The following LYRM4 variants were observed in gnomAD, a reference collection of about 807,000 sequenced individuals.
The protein encoded by LYRM4 is LYR motif-containing protein 4.
A neutral mutation model predicts 11.7 loss-of-function variants in LYRM4; 9 were observed. The observed-to-expected ratio is 0.77, with a 90% CI of 0.46 to 1.34. The LOEUF (loss-of-function observed/expected upper bound fraction) is 1.34, where lower values mean the gene tolerates loss of function less well. Ranked by LOEUF, LYRM4 falls within the 40% of genes most tolerant of loss-of-function variation. LYRM4 has a pLI of 0.00. For synonymous variants in LYRM4, 42 were observed against 40.4 expected (o/e 1.04, Z -0.15); for missense variants, 133 against 112.5 (o/e 1.18, Z -0.82).
chr6:5,050,454 A>G, the LYRM4 span, among the ~76,000 whole-genome samples: 4 of 152,202 alleles, frequency 2.6e-5, no homozygotes, highest in Non-Finnish European at 5.9e-5. Context: ...TTGCACTTTT[A>G]CAATCCTCAT....
chr6:5,045,735 C>T, the LYRM4 span, among the ~76,000 whole-genome samples: 1 of 152,134 alleles, frequency 6.6e-6, no homozygotes, highest in Non-Finnish European at 1.5e-5. Context: ...GGTAGAAGCT[C>T]ACGGAACTCA....
At chr6:5,034,501 T>C in the LYRM4 span, 1 of 152,142 alleles carries the variant, frequency 6.6e-6, no homozygotes, top group Non-Finnish European at 1.5e-5. Context: ...AATGAATGAG[T>C]TCTTGCTCTT....
chr6:5,249,248 T>C (rs139360651), intron 1 of LYRM4, among the ~76,000 whole-genome samples: 124 of 152,254 alleles, frequency 8.1e-4, no homozygotes, highest in African/African-American at 2.9e-3. Context: ...TATACCAAGG[T>C]CACAGAATAA....
intron 2 of LYRM4, among the ~76,000 whole-genome samples, chr6:5,209,350 G>C (rs1173181760): frequency 6.6e-6 from 1 of 152,048 alleles, no homozygotes; most frequent in African/African-American, 2.4e-5. Context: ...ACCCACCTTG[G>C]CCCCCCAAAG....
the LYRM4 span, among the ~76,000 whole-genome samples, chr6:5,041,320 T>C: frequency 5.1e-3 from 770 of 152,342 alleles, 8 homozygotes; most frequent in African/African-American, 0.018. Context: ...AATCCTTCTG[T>C]TTCCCAAAAT....
chr6:5,143,529 T>G (rs1349444234), intron 2 of LYRM4, among the ~76,000 whole-genome samples: 2 of 152,204 alleles, frequency 1.3e-5, no homozygotes, highest in African/African-American at 4.8e-5. Context: ...GAGATGTGGC[T>G]GGCATAGGCC....
chr6:5,097,204 C>G, the LYRM4 span, among the ~76,000 whole-genome samples: 1 of 152,212 alleles, frequency 6.6e-6, no homozygotes, highest in African/African-American at 2.4e-5. Context: ...GTGAGGGGGC[C>G]GAGCAGGCTT....
the LYRM4 span, among the ~76,000 whole-genome samples, chr6:5,057,737 C>A: frequency 4.7e-5 from 7 of 149,746 alleles, no homozygotes; most frequent in Non-Finnish European, 1.0e-4. Context: ...AAAAAAAAAA[C>A]TTCCCTCATT....
At chr6:5,079,482 T>A in the LYRM4 span, among the ~76,000 whole-genome samples, 28 of 152,208 alleles carry the variant, frequency 1.8e-4, no homozygotes, top group Non-Finnish European at 2.9e-5. Context: ...CTCAAAATAA[T>A]CAACGTGCCA....
At chr6:5,233,533 T>C (rs1763366300) in intron 1 of LYRM4, among the ~76,000 whole-genome samples, 1 of 152,212 alleles carries the variant, frequency 6.6e-6, no homozygotes, top group South Asian at 2.1e-4. Context: ...ACAAAACTTC[T>C]ACCCAGCCAG....
chr6:5,039,454 G>A, the LYRM4 span, among the ~76,000 whole-genome samples: 2 of 152,122 alleles, frequency 1.3e-5, no homozygotes, highest in Non-Finnish European at 2.9e-5. Flanking sequence ...GGAAGGGGTG[G>A]AATGAGGGTC....
At position 5,216,626 on chromosome 6, in the gene LYRM4, G is replaced by A. The variant is rs1319333583; in HGVS notation, c.199C>T (p.Arg67Cys). 2 of 1,613,914 alleles carry A rather than the reference G, an allele frequency of 1.2e-6. No homozygotes were observed. Among genetic ancestry groups the A allele is most frequent in the Middle Eastern group, 1.6e-4 (1 of 6,062 alleles). Residue 67 changes from arginine (R) to cysteine (C), a missense_variant, in exon 2 of 3, where the codon CGT (arginine) becomes TGT (cysteine). Physicochemically the swap from Arg to Cys is radical, Grantham distance 180. Transcript: ENST00000330636. The part of the protein sequence containing the change: ...NKAKRDLGVI[R>C]RQVHIGQLYS... ...TCATTGAACCATCTTACCTGTCGAC[G>A]AATTACTCCAAGGTCTCTCTTGGCT...
At chr6:5,063,760 TC>T in the LYRM4 span, among the ~76,000 whole-genome samples, 1 of 152,284 alleles carries the variant, frequency 6.6e-6, no homozygotes, top group East Asian at 1.9e-4. Context: ...TCAGCCTTCA[TC>T]CCTGCCCAGC....
intron 1 of LYRM4, among the ~76,000 whole-genome samples, chr6:5,217,749 G>A (rs1270126868): frequency 6.6e-6 from 1 of 152,158 alleles, no homozygotes; most frequent in Non-Finnish European, 1.5e-5. Context: ...AGGTAGAGTG[G>A]TGTGGATAAT....
intron 2 of LYRM4, among the ~76,000 whole-genome samples, chr6:5,205,587 C>A (rs1334791611): frequency 1.2e-4 from 19 of 152,092 alleles, no homozygotes. Flanking sequence ...AGGAAAAATA[C>A]TTTAATATTA....
At chr6:5,183,355 T>C (rs978612745) in intron 2 of LYRM4, among the ~76,000 whole-genome samples, 1 of 152,230 alleles carries the variant, frequency 6.6e-6, no homozygotes, top group Non-Finnish European at 1.5e-5. Context: ...ATTCTGCAGC[T>C]TTCAGTGGCA....
At chr6:5,115,958 C>T (rs991140489) in intron 2 of LYRM4, among the ~76,000 whole-genome samples, 6 of 152,264 alleles carry the variant, frequency 3.9e-5, no homozygotes, top group Middle Eastern at 3.4e-3. Flanking sequence ...ACATGAGCAT[C>T]GGTGACTGAG....
chr6:5,186,927 T>G, intron 2 of LYRM4: 1 of 464,696 alleles, frequency 2.2e-6, no homozygotes, highest in South Asian at 3.6e-5. Context: ...GAGGTTGTAG[T>G]GAGCTGAGAT....
intron 1 of LYRM4, among the ~76,000 whole-genome samples, chr6:5,245,116 AT>A (rs1561898975): frequency 3.1e-3 from 45 of 14,706 alleles, no homozygotes; most frequent in Non-Finnish European, 3.7e-3. Flanking sequence ...AAAAAAAAAT[AT>A]ATATATATAT....
Sources: allele counts gnomAD v4.1 joint callset (sites outside exome capture counted in the v4.1 genomes callset), GRCh38; gene constraint gnomAD v4.1.1; transcripts MANE v1.5; gene names NCBI Gene and HGNC (gene_info 2026-07-23, HGNC 2026-07-21).